BRWD1: variants seen among roughly 807,000 people sequenced by gnomAD.
BRWD1 encodes bromodomain and WD repeat domain containing 1.
Under a neutral mutation model 251.2 loss-of-function variants are expected in BRWD1, and 82 were observed. The observed-to-expected ratio is 0.33, with a 90% CI of 0.27 to 0.39. BRWD1 has a LOEUF of 0.39. Ranked by LOEUF, BRWD1 falls within the 10% of genes least tolerant of loss-of-function variation. The pLI is 1.00. For synonymous variants in BRWD1, 918 were observed against 902.8 expected, an observed-to-expected ratio of 1.02 and a Z score of -0.30; for missense variants, 2,233 against 2,711.6, an observed-to-expected ratio of 0.82 and a Z score of 3.92.
At chr21:39,272,007 T>TC (rs1555871744) in intron 13 of BRWD1, among the ~76,000 whole-genome samples, 2 of 14,934 alleles carry the variant, frequency 1.3e-4, no homozygotes, top group Admixed American at 1.5e-3. Context: ...CCACTCCATT[T>TC]CAAAAAAAAA....
Position 39,193,658 on chromosome 21 carries a change from T to C in BRWD1, c.*2601A>G. 1 of 985,540 alleles carries C rather than the reference T, an allele frequency of 1.0e-6. No individual in the cohort carries two copies. The highest frequency in any genetic ancestry group is 4.7e-5 in the South Asian group (1 of 21,288). The allele number at this position is 985,540 out of a possible 1,614,324, so 61.0% of individuals were successfully genotyped here. On this transcript the variant is annotated 3_prime_UTR_variant, in exon 41 of 41. Coordinates refer to ENST00000342449, the MANE Select transcript of BRWD1 (RefSeq NM_033656.4). ...TTGAACTTCAAGTGCAGTGGAAAGGTACAGCACTTATTTCTGGATCAGTTC... is the reference window on the plus strand; with the variant it reads ...TTGAACTTCAAGTGCAGTGGAAAGGCACAGCACTTATTTCTGGATCAGTTC...
Position 39,206,287 on chromosome 21 carries a change from A to C in BRWD1, c.4198-13T>G. On this transcript the variant is annotated splice_polypyrimidine_tract_variant and intron_variant, in intron 36 of 40. Coordinates refer to ENST00000342449, the MANE Select transcript of BRWD1 (RefSeq NM_033656.4). ...TCATACTATAAATCTGCAAGGATATAAAAACAAAGTAGAATTACAAAATAG... is the reference window on the plus strand; with the variant it reads ...TCATACTATAAATCTGCAAGGATATCAAAACAAAGTAGAATTACAAAATAG... The C allele has an allele frequency of 6.6e-7, 1 of 1,525,582 alleles. No individual in the cohort carries two copies. Among genetic ancestry groups the C allele is most frequent in the Non-Finnish European group, 8.9e-7 (1 of 1,121,546 alleles). 94.5% of individuals were successfully genotyped at this position (1,525,582 alleles called of 1,614,324 possible).
intron 7 of BRWD1, 100 bp downstream of exon 7, chr21:39,295,643 C>A: frequency 9.9e-7 from 1 of 1,008,938 alleles, no homozygotes; most frequent in Non-Finnish European, 1.4e-6. Context: ...GAGTCAAAAT[C>A]TCTGAGGATG....
chr21:39,214,273 A>T (rs2032789061), intron 32 of BRWD1, among the ~76,000 whole-genome samples: 1 of 152,220 alleles, frequency 6.6e-6, no homozygotes, highest in African/African-American at 2.4e-5. Context: ...GTCAGTTTAC[A>T]TTCTTTGATT....
chr21:39,218,337 G>A, intron 30 of BRWD1, 65 bp from the exon 31 acceptor site: 1 of 1,527,408 alleles, frequency 6.5e-7, no homozygotes, highest in Non-Finnish European at 8.8e-7. Context: ...TACTTCTCTA[G>A]AAATCATTCA....
chr21:39,306,084 T>C (rs2036278692), intron 4 of BRWD1, among the ~76,000 whole-genome samples: 1 of 151,058 alleles, frequency 6.6e-6, no homozygotes, highest in Non-Finnish European at 1.5e-5. Flanking sequence ...TTTTTTTTTT[T>C]TTTTGAGACC....
At chr21:39,267,710 C>A (rs1209849824) in intron 15 of BRWD1, among the ~76,000 whole-genome samples, 5 of 152,122 alleles carry the variant, frequency 3.3e-5, no homozygotes, top group Admixed American at 6.5e-5. Context: ...CCCTTTTACA[C>A]AATAATTCCT....
Position 39,200,262 on chromosome 21 carries a change from G to A in BRWD1, c.4710C>T (p.Ser1570=). The change falls in exon 39 of 41, where the codon AGC becomes AGT. Residue 1570 remains serine, a synonymous_variant. Coordinates refer to ENST00000342449, the MANE Select transcript of BRWD1 (RefSeq NM_033656.4). ...SSSRSGLSRS[S]NLRVTRTRAA... is the part of the protein sequence containing the mutation. ...CTCTAGTTCTGGTTACCCTGAGATT[G>A]CTGCTTCTGGATAGCCCACTGCGTG... The A allele has an allele frequency of 6.2e-7, 1 of 1,613,888 alleles. No homozygotes were observed. Among genetic ancestry groups the A allele is most frequent in the Non-Finnish European group, 8.5e-7 (1 of 1,179,918 alleles).
chr21:39,290,208 G>C (rs1461931327), intron 8 of BRWD1, among the ~76,000 whole-genome samples: 1 of 151,898 alleles, frequency 6.6e-6, no homozygotes, highest in East Asian at 1.9e-4. Context: ...CACCCACTGA[G>C]GTTGGGCGAG....
In BRWD1 at chr21:39,196,542, G is replaced by T. The variant is rs753301336; in HGVS notation, c.6527C>A (p.Thr2176Asn). The change falls in exon 41 of 41, where the codon ACC becomes AAC. Residue 2176 changes from threonine to asparagine, a missense_variant. Transcript: ENST00000342449. ...SDIDCTDNTK[T>N]KRRKTKGKAK... ...TTTTCCTTTCGTTTTCCTCCTTTTG[G>T]TTTTTGTATTATCAGTACAGTCAAT... 1.2e-6 allele frequency: 2 copies of T among 1,613,326 alleles called. No homozygotes were observed. Among genetic ancestry groups the T allele is most frequent in the East Asian group, 4.5e-5 (2 of 44,856 alleles).
chr21:39,202,284 G>C, intron 38 of BRWD1, 41 bp downstream of exon 38: 1 of 1,468,526 alleles, frequency 6.8e-7, no homozygotes, highest in South Asian at 1.2e-5. Context: ...TTACACATTT[G>C]GGTGCTCAGC....
intron 13 of BRWD1, 42 bp downstream of exon 13, chr21:39,274,330 ATC>A: frequency 7.0e-7 from 1 of 1,430,656 alleles, no homozygotes; most frequent in Non-Finnish European, 9.9e-7. Context: ...AGAGAGACAG[ATC>A]GAACACCTAT....
chr21:39,282,021 T>C (rs557756116), intron 8 of BRWD1, among the ~76,000 whole-genome samples: 1 of 151,724 alleles, frequency 6.6e-6, no homozygotes, highest in East Asian at 1.9e-4. Flanking sequence ...AACATATACG[T>C]CTATGTATAA....
At chr21:39,247,244 T>C (rs1438969529) in intron 21 of BRWD1, among the ~76,000 whole-genome samples, 1 of 152,176 alleles carries the variant, frequency 6.6e-6, no homozygotes, top group Non-Finnish European at 1.5e-5. Flanking sequence ...TAAAATTTAA[T>C]AGAGGTGACG....
chr21:39,300,518 A>G (rs1255060953), intron 4 of BRWD1, among the ~76,000 whole-genome samples: 1 of 152,234 alleles, frequency 6.6e-6, no homozygotes, highest in Non-Finnish European at 1.5e-5. Flanking sequence ...CCCTCAAAGC[A>G]TGGAAAGCCA....
rs7280389 is a variant in BRWD1, at chr21:39,256,286, C to A, written c.2072-458G>T. ...ACTGTGCCTTCTTAAAAATTGCACA[C>A]TAAAAAAAGTCTTTTTGAAAAATTT... On this transcript the variant is annotated intron_variant, in intron 18 of 40. Transcript: ENST00000342449. Among the ~76,000 whole-genome samples the A allele has an allele frequency of 8.1e-3, 1,229 of 152,264 alleles. 16 individuals carry two copies. The highest frequency in any genetic ancestry group is 0.029 in the African/African-American group (1,197 of 41,560).
chr21:39,194,769 T>G lies in BRWD1; in HGVS notation c.*1490A>C. On this transcript the variant is annotated 3_prime_UTR_variant, in exon 41 of 41. Coordinates refer to ENST00000342449, the MANE Select transcript of BRWD1 (RefSeq NM_033656.4). ...GGTTTTGTCTGAAACCAAACACAATTAGGGCTAATAAATAACATTGTCTAA... is the reference window on the plus strand; with the variant it reads ...GGTTTTGTCTGAAACCAAACACAATGAGGGCTAATAAATAACATTGTCTAA... The G allele has an allele frequency of 6.5e-7, 1 of 1,534,926 alleles. No homozygotes were observed. The highest frequency in any genetic ancestry group is 8.7e-7 in the Non-Finnish European group (1 of 1,145,880).
chr21:39,209,020 A>G (rs2032538759), intron 36 of BRWD1, among the ~76,000 whole-genome samples: 1 of 152,018 alleles, frequency 6.6e-6, no homozygotes, highest in South Asian at 2.1e-4. Flanking sequence ...CTACTATAAA[A>G]CACTAAAACT....
At chr21:39,316,141 A>C (rs1485085710), upstream of BRWD1, among the ~76,000 whole-genome samples, 1 of 152,206 alleles carries the variant, frequency 6.6e-6, no homozygotes, top group Non-Finnish European at 1.5e-5. Flanking sequence ...ACCAAGAGGC[A>C]CTTAACATAC....
Sources: gnomAD v4.1 joint callset for allele counts (sites outside exome capture counted in the v4.1 genomes callset) on GRCh38, gnomAD v4.1.1 for gene constraint, MANE v1.5 for transcripts, NCBI Gene and HGNC (gene_info 2026-07-23, HGNC 2026-07-21) for gene names.